The following BBC3 variants were observed in gnomAD, a reference collection of about 807,000 sequenced individuals.
BBC3 encodes the protein bcl-2-binding component 3.
A neutral mutation model predicts 18.2 loss-of-function variants in BBC3; 5 were observed. The ratio of observed to expected loss-of-function variants is 0.27; its 90% CI spans 0.14 to 0.58. The LOEUF (loss-of-function observed/expected upper bound fraction) is 0.58. Ranked by LOEUF, BBC3 falls within the 20% of genes least tolerant of loss-of-function variation. BBC3 has a pLI of 0.91. For synonymous variants in BBC3, 119 were observed against 128.0 expected (o/e 0.93, Z 0.47); for missense variants, 224 against 268.9 (o/e 0.83, Z 1.17).
intron 3 of BBC3, 85 bp from the exon 4 acceptor site, chr19:47,222,003 G>GACTGTCGCCTCGCT: frequency 7.8e-7 from 1 of 1,282,958 alleles, no homozygotes; most frequent in Non-Finnish European, 1.1e-6. Flanking sequence ...GGGGCAGCGA[G>GACTGTCGCCTCGCT]GCGACAGTCT....
chr19:47,223,439 C>G (rs961547894), intron 3 of BBC3, among the ~76,000 whole-genome samples: 1 of 151,966 alleles, frequency 6.6e-6, no homozygotes, highest in South Asian at 2.1e-4. Flanking sequence ...TGGTGGCACA[C>G]ACCTGTATTC....
chr19:47,226,558 A>G lies in BBC3; in HGVS notation c.465+6T>C, dbSNP rs756862843. 6.5e-7 allele frequency: 1 copy of G among 1,541,530 alleles called. No individual in the cohort carries two copies. Among genetic ancestry groups the G allele is most frequent in the South Asian group, 1.2e-5 (1 of 83,906 alleles). ...ACCTGCCGTCTACCCCACCCCCAGC[A>G]CTCACCCGCCGCTCGTACTGTGCGT... On this transcript the variant is annotated splice_donor_region_variant and intron_variant, in intron 3 of 3. Transcript: ENST00000439096.
At chr19:47,223,691 G>A (rs1007863027) in intron 3 of BBC3, among the ~76,000 whole-genome samples, 12 of 152,182 alleles carry the variant, frequency 7.9e-5, no homozygotes, top group Admixed American at 5.2e-4. Flanking sequence ...GCAGGGGAAG[G>A]AGAAACTCAC....
Position 47,228,277 on chromosome 19 carries a change from G to T in BBC3, c.155C>A (p.Thr52Asn), listed in dbSNP as rs2058863622. The change falls in exon 2 of 4, where the codon ACC becomes AAC. Residue 52 changes from threonine to asparagine, a missense_variant. Transcript: ENST00000439096. The surrounding 1 kb of genome is among the most constrained non-coding windows in gnomAD (Gnocchi z 5.5). ...GCAGAGGTAGGCAGCGGGCAGCAGGGTGGGGGCGGCGGGGGCGGCAGCCAG... is the reference window on the plus strand; with the variant it reads ...GCAGAGGTAGGCAGCGGGCAGCAGGTTGGGGGCGGCGGGGGCGGCAGCCAG... ...PGLAAAPAAP[T>N]LLPAAYLCAP... The T allele has an allele frequency of 8.2e-7, 1 of 1,217,092 alleles. No homozygotes were observed. Among genetic ancestry groups the T allele is most frequent in the African/African-American group, 1.6e-5 (1 of 63,660 alleles). The allele number at this position is 1,217,092 out of a possible 1,614,324, so 75.4% of individuals were successfully genotyped here.
At chr19:47,232,484 C>A, upstream of BBC3, 1 of 1,534,682 alleles carries the variant, frequency 6.5e-7, no homozygotes. Flanking sequence ...ACTGCACACA[C>A]GTCGGAGCAT....
In BBC3 at chr19:47,230,961, G is replaced by A; in HGVS notation, c.-48C>T. 1.0e-6 allele frequency: 1 copy of A among 983,786 alleles called. No homozygotes were observed. The highest frequency in any genetic ancestry group is 1.2e-6 in the Non-Finnish European group (1 of 828,404). The allele number at this position is 983,786 out of a possible 1,614,324, so 60.9% of individuals were successfully genotyped here. On this transcript the variant is annotated 5_prime_UTR_variant, in exon 1 of 4. Coordinates refer to ENST00000439096, the MANE Select transcript of BBC3 (RefSeq NM_014417.5). The surrounding 1 kb of genome is among the most constrained non-coding windows in gnomAD (Gnocchi z 6.7). ...GCATGAACACGCCGGAGGGGGCGGCGGTGGGGGGCGGGCGGCTTCCTTCAG... is the reference window on the plus strand; with the variant it reads ...GCATGAACACGCCGGAGGGGGCGGCAGTGGGGGGCGGGCGGCTTCCTTCAG...
chr19:47,232,749 C>T, upstream of BBC3: 2 of 669,730 alleles, frequency 3.0e-6, no homozygotes, highest in Non-Finnish European at 4.9e-6. Context: ...CTGGGTCTCA[C>T]CCAATCGCAA....
At chr19:47,226,419 C>T (rs2058822192) in intron 3 of BBC3, 145 bp downstream of exon 3, 1 of 477,746 alleles carries the variant, frequency 2.1e-6, no homozygotes, top group South Asian at 2.5e-5. Context: ...GCGATTCCCC[C>T]CCACCCACTT....
At chr19:47,222,856 T>C (rs1456618688) in intron 3 of BBC3, among the ~76,000 whole-genome samples, 1 of 151,138 alleles carries the variant, frequency 6.6e-6, no homozygotes, top group East Asian at 1.9e-4. Flanking sequence ...TCCCAGCTAC[T>C]TGGGAAGGCT....
At chr19:47,227,567 C>T (rs1193744922) in intron 2 of BBC3, among the ~76,000 whole-genome samples, 1 of 152,160 alleles carries the variant, frequency 6.6e-6, no homozygotes, top group East Asian at 1.9e-4. Flanking sequence ...CCTAGAGCGC[C>T]TGCCGGCAGG....
chr19:47,225,034 C>T (rs1218639693), intron 3 of BBC3, among the ~76,000 whole-genome samples: 3 of 152,172 alleles, frequency 2.0e-5, no homozygotes, highest in African/African-American at 7.2e-5. Flanking sequence ...GCCTCAGCCT[C>T]CCGAGTAGCT....
In BBC3 at chr19:47,221,557, T is replaced by C; in HGVS notation, c.*245A>G. On this transcript the variant is annotated 3_prime_UTR_variant, in exon 4 of 4. Coordinates refer to ENST00000439096, the MANE Select transcript of BBC3 (RefSeq NM_014417.5). ...CTCGGTCACCGCCACCTTCCGATGCTGAGTCCATCAGCCGTCCCTCTCCTG... is the reference window on the plus strand; with the variant it reads ...CTCGGTCACCGCCACCTTCCGATGCCGAGTCCATCAGCCGTCCCTCTCCTG... 1.3e-6 allele frequency: 1 copy of C among 741,496 alleles called. No individual in the cohort carries two copies. The highest frequency in any genetic ancestry group is 2.1e-6 in the Non-Finnish European group (1 of 477,752). 45.9% of individuals were successfully genotyped at this position (741,496 alleles called of 1,614,324 possible).
Position 47,221,019 on chromosome 19 carries a change from T to G in BBC3, c.*783A>C. 1 of 140,062 alleles carries G rather than the reference T, an allele frequency of 7.1e-6. No individual in the cohort carries two copies. Among genetic ancestry groups the G allele is most frequent in the African/African-American group, 2.6e-5 (1 of 38,606 alleles). 8.7% of individuals were successfully genotyped at this position (140,062 alleles called of 1,614,324 possible). On this transcript the variant is annotated 3_prime_UTR_variant, in exon 4 of 4. Transcript: ENST00000439096. ...TTCCCCCCCTCCCTGACTCCCCGTC[T>G]TCCCCCCAGCGCTTGGCCCTGGGGA...
chr19:47,221,725 C>T lies in BBC3; in HGVS notation c.*77G>A, dbSNP rs779328577. ...GCTACATGGTGCAGAGAAAGTCCCC[C>T]GCGCTGGCCAGGGTGTCAGGAGGTG... On this transcript the variant is annotated 3_prime_UTR_variant, in exon 4 of 4. Transcript: ENST00000439096. 9.4e-6 allele frequency: 15 copies of T among 1,597,924 alleles called. No individual in the cohort carries two copies. The highest frequency in any genetic ancestry group is 3.6e-5 in the Admixed American group (2 of 55,372).
chr19:47,226,276 T>G (rs2058818397), intron 3 of BBC3, among the ~76,000 whole-genome samples: 1 of 151,626 alleles, frequency 6.6e-6, no homozygotes, highest in African/African-American at 2.4e-5. Context: ...CCGCCCTCAG[T>G]CCCCGCGGCC....
rs373478289 is a variant in BBC3, at chr19:47,221,727, C to A, written c.*75G>T. 6.3e-7 allele frequency: 1 copy of A among 1,599,760 alleles called. No individual in the cohort carries two copies. The highest frequency in any genetic ancestry group is 8.5e-7 in the Non-Finnish European group (1 of 1,176,064). On this transcript the variant is annotated 3_prime_UTR_variant, in exon 4 of 4. Transcript: ENST00000439096. ...TACATGGTGCAGAGAAAGTCCCCCG[C>A]GCTGGCCAGGGTGTCAGGAGGTGGG... is the stretch of plus-strand genomic sequence containing the variant.
chr19:47,232,714 G>C (rs2058926477), upstream of BBC3: 1 of 970,622 alleles, frequency 1.0e-6, no homozygotes, highest in Non-Finnish European at 1.5e-6. Context: ...GTGGATTCCT[G>C]TCTCCTCTAC....
In BBC3 at chr19:47,221,337, T is replaced by G. The variant is rs546484688; in HGVS notation, c.*465A>C. On this transcript the variant is annotated 3_prime_UTR_variant, in exon 4 of 4. Transcript: ENST00000439096. ...AGGCTAGTGGTCACGTTTGGCTCAT[T>G]TGCTCTTCACGGGCCCCCTCCCAGG... is the stretch of plus-strand genomic sequence containing the variant. The G allele has an allele frequency of 8.8e-5, 18 of 204,886 alleles. 1 individual carries two copies. The South Asian group carries it at 1.4e-3, about 16-fold the overall frequency. The allele number at this position is 204,886 out of a possible 1,614,324, so 12.7% of individuals were successfully genotyped here.
At chr19:47,224,209 C>T (rs2058784577) in intron 3 of BBC3, among the ~76,000 whole-genome samples, 1 of 152,126 alleles carries the variant, frequency 6.6e-6, no homozygotes, top group Non-Finnish European at 1.5e-5. Context: ...GCAGGAGAAT[C>T]ACTTGAACCC....
Sources: gnomAD v4.1 joint callset for allele counts (sites outside exome capture counted in the v4.1 genomes callset) on GRCh38, gnomAD v4.1.1 for gene constraint, Gnocchi (gnomAD v3.1) non-coding constraint, MANE v1.5 for transcripts, NCBI Gene and HGNC (gene_info 2026-07-23, HGNC 2026-07-21) for gene names.